Variants in TENM4 observed in about 807,000 individuals in gnomAD.
TENM4 encodes teneurin transmembrane protein 4.
In TENM4, 82 loss-of-function variants were observed where a neutral mutation model predicts 243.3. The ratio of observed to expected loss-of-function variants is 0.34; its 90% CI spans 0.28 to 0.40. The LOEUF is 0.40. Ranked by LOEUF, TENM4 falls within the 10% of genes least tolerant of loss-of-function variation. The pLI, the probability that TENM4 is intolerant of heterozygous loss-of-function variation, is 1.00. For missense variants in TENM4, 3,138 were observed against 3,673.3 expected (o/e 0.85, Z 3.77); for synonymous variants, 1,412 against 1,456.3 (o/e 0.97, Z 0.69).
chr11:79,026,150 A>T (rs1859072328), intron 6 of TENM4, among the ~76,000 whole-genome samples: 1 of 152,182 alleles, frequency 6.6e-6, no homozygotes. Flanking sequence ...TTCTGAAAGG[A>T]ATTACAGGTG....
chr11:79,200,056 C>A (rs1363334614), intron 3 of TENM4, among the ~76,000 whole-genome samples: 1 of 152,212 alleles, frequency 6.6e-6, no homozygotes, highest in Non-Finnish European at 1.5e-5. Context: ...CAGCTCAGGA[C>A]CTGCAGCATC....
chr11:78,850,134 C>A (rs1387627776), intron 12 of TENM4, among the ~76,000 whole-genome samples: 2 of 151,580 alleles, frequency 1.3e-5, no homozygotes, highest in East Asian at 1.9e-4. Context: ...GGTCTCTGTG[C>A]GTATATATTT....
At chr11:79,251,452 G>A (rs968989958) in intron 2 of TENM4, among the ~76,000 whole-genome samples, 1 of 152,200 alleles carries the variant, frequency 6.6e-6, no homozygotes, top group Admixed American at 6.5e-5. Context: ...TGTAAAAACT[G>A]TCCTAGGACA....
chr11:78,696,997 G>C (rs1858984109), intron 28 of TENM4, among the ~76,000 whole-genome samples: 1 of 152,130 alleles, frequency 6.6e-6, no homozygotes, highest in East Asian at 1.9e-4. Context: ...GGTGAGCAGG[G>C]TCTGGGTAGA....
intron 6 of TENM4, among the ~76,000 whole-genome samples, chr11:78,920,693 G>A (rs1243499112): frequency 6.6e-6 from 1 of 152,080 alleles, no homozygotes; most frequent in East Asian, 1.9e-4. Context: ...CATCATCCCA[G>A]AGAGGAAAAC....
chr11:79,010,248 T>C (rs926130858), intron 6 of TENM4, among the ~76,000 whole-genome samples: 4 of 152,144 alleles, frequency 2.6e-5, no homozygotes, highest in Non-Finnish European at 5.9e-5. Flanking sequence ...TGCCAAGCAC[T>C]AGGACATGGA....
chr11:78,930,348 T>C (rs1202301451), intron 6 of TENM4, among the ~76,000 whole-genome samples: 3 of 152,218 alleles, frequency 2.0e-5, no homozygotes, highest in African/African-American at 7.2e-5. Flanking sequence ...TGGCTCCTCA[T>C]TGTCCACTGA....
At chr11:79,129,051 A>G (rs1861940609) in intron 4 of TENM4, among the ~76,000 whole-genome samples, 1 of 152,212 alleles carries the variant, frequency 6.6e-6, no homozygotes, top group African/African-American at 2.4e-5. Context: ...GAGTGCCCCA[A>G]CTGCAGAAGG....
intron 6 of TENM4, among the ~76,000 whole-genome samples, chr11:79,040,369 C>T (rs946658236): frequency 6.6e-6 from 1 of 152,168 alleles, no homozygotes; most frequent in East Asian, 1.9e-4. Flanking sequence ...CACTGACTGC[C>T]TTTGTCCAGC....
At chr11:79,092,216 C>T (rs566001038) in intron 4 of TENM4, among the ~76,000 whole-genome samples, 5 of 152,260 alleles carry the variant, frequency 3.3e-5, no homozygotes, top group East Asian at 1.9e-4. Context: ...CCTTGGGGAG[C>T]GCCCAGTCTG....
At chr11:79,310,136 A>G (rs925267386) in intron 1 of TENM4, among the ~76,000 whole-genome samples, 5 of 152,224 alleles carry the variant, frequency 3.3e-5, no homozygotes, top group African/African-American at 1.2e-4. Context: ...GGCCCAGCAC[A>G]GGCCCCGGCA....
intron 19 of TENM4, among the ~76,000 whole-genome samples, chr11:78,747,834 G>T (rs1399894878): frequency 1.3e-5 from 2 of 152,164 alleles, no homozygotes; most frequent in Non-Finnish European, 1.5e-5. Context: ...TCTCAGTGTT[G>T]GATAAAAATG....
chr11:78,891,256 T>C lies in TENM4; in HGVS notation c.830A>G (p.Asp277Gly), dbSNP rs1450312028. The change falls in exon 8 of 34, where the codon GAT (aspartate) becomes GGT (glycine). Residue 277 changes from aspartate to glycine, a missense_variant. Transcript: ENST00000278550. The part of the protein sequence containing the change: ...EMDILGASRH[D>G]GAYSDGHFLF... ...CACCTACCCGTCACTGTAAGCCCCA[T>C]CATGGCGGGAGGCGCCGAGAATGTC... The C allele has an allele frequency of 6.4e-7, 1 of 1,551,678 alleles. No individual in the cohort carries two copies. The highest frequency in any genetic ancestry group is 1.2e-5 in the South Asian group (1 of 84,058).
At chr11:79,001,823 C>T (rs1167133400) in intron 6 of TENM4, among the ~76,000 whole-genome samples, 1 of 152,144 alleles carries the variant, frequency 6.6e-6, no homozygotes, top group Non-Finnish European at 1.5e-5. Context: ...ATCCTGGGGG[C>T]TCTCACCATA....
intron 3 of TENM4, among the ~76,000 whole-genome samples, chr11:79,207,207 C>T (rs2135205223): frequency 6.6e-6 from 1 of 152,260 alleles, no homozygotes; most frequent in Non-Finnish European, 1.5e-5. Context: ...TCAAGGTATC[C>T]AAAGGGCTGC....
At chr11:79,394,956 C>G (rs554850232) in intron 1 of TENM4, among the ~76,000 whole-genome samples, 1 of 152,324 alleles carries the variant, frequency 6.6e-6, no homozygotes, top group African/African-American at 2.4e-5. Flanking sequence ...AGGCATGGAA[C>G]AGATTCCACC....
intron 7 of TENM4, among the ~76,000 whole-genome samples, chr11:78,901,793 G>A (rs755688749): frequency 6.6e-6 from 1 of 152,160 alleles, no homozygotes; most frequent in Non-Finnish European, 1.5e-5. Flanking sequence ...AATCACACAC[G>A]ATTTTAAAGG....
intron 1 of TENM4, among the ~76,000 whole-genome samples, chr11:79,415,946 T>C (rs1858803837): frequency 6.6e-6 from 1 of 152,082 alleles, no homozygotes; most frequent in Non-Finnish European, 1.5e-5. Context: ...CACAATAGAT[T>C]ACTCTGCAAT....
intron 1 of TENM4, among the ~76,000 whole-genome samples, chr11:79,347,636 G>A (rs994818370): frequency 1.3e-5 from 2 of 152,044 alleles, no homozygotes; most frequent in South Asian, 2.1e-4. Flanking sequence ...TTGGCAAGCC[G>A]CTTCTCTGCT....
Sources: gnomAD v4.1 joint callset for allele counts (sites outside exome capture counted in the v4.1 genomes callset) on GRCh38, gnomAD v4.1.1 for gene constraint, MANE v1.5 for transcripts, NCBI Gene and HGNC (gene_info 2026-07-23, HGNC 2026-07-21) for gene names.